RXRA: variants seen among roughly 807,000 people sequenced by gnomAD.
RXRA encodes the protein retinoic acid receptor RXR-alpha.
Under a neutral mutation model 44.5 loss-of-function variants are expected in RXRA, and 5 were observed. That is an observed-to-expected ratio of 0.11 (90% CI 0.06 to 0.24). The LOEUF (loss-of-function observed/expected upper bound fraction) is 0.24. Among genes scored for constraint, RXRA ranks in the 10% least tolerant of loss-of-function variants. RXRA has a pLI of 1.00. For synonymous variants in RXRA, 291 were observed against 271.4 expected (o/e 1.07, Z -0.71); for missense variants, 412 against 646.5 (o/e 0.64, Z 3.93).
Position 134,430,737 on chromosome 9 carries a change from C to T in RXRA, c.1044-1168C>T, listed in dbSNP as rs113270472. On this transcript the variant is annotated intron_variant, in intron 7 of 9. Coordinates refer to ENST00000481739, the MANE Select transcript of RXRA (RefSeq NM_002957.6). ...GGATATGGCTTTGGGAAGCGAAGCC[C>T]CAGCCACTTGCCCAGCTGACAGATC... Among the ~76,000 whole-genome samples the T allele has an allele frequency of 6.3e-3, 958 of 152,318 alleles. 8 individuals are homozygous for T. Among genetic ancestry groups the T allele is most frequent in the Non-Finnish European group, 7.8e-3 (533 of 68,036 alleles).
At chr9:134,335,279 A>C (rs1829983491) in intron 1 of RXRA, among the ~76,000 whole-genome samples, 1 of 152,090 alleles carries the variant, frequency 6.6e-6, no homozygotes, top group Non-Finnish European at 1.5e-5. Context: ...AATTCACCTC[A>C]CTAGGCCTCA....
intron 6 of RXRA, chr9:134,422,107 CACTT>C: frequency 7.4e-7 from 1 of 1,343,424 alleles, no homozygotes; most frequent in Non-Finnish European, 9.8e-7. Context: ...TCCTGGGACA[CACTT>C]CTACCTCCCG....
chr9:134,387,078 C>T (rs1055641360), intron 1 of RXRA, among the ~76,000 whole-genome samples: 4 of 152,166 alleles, frequency 2.6e-5, no homozygotes, highest in Admixed American at 6.5e-5. Flanking sequence ...GCTGTGGCTG[C>T]GGTGTCGGGT....
chr9:134,376,938 G>A (rs1482918296), intron 1 of RXRA, among the ~76,000 whole-genome samples: 1 of 152,212 alleles, frequency 6.6e-6, no homozygotes. Context: ...TCGCTGGGCT[G>A]ACCTCTGGGC....
At chr9:134,330,943 T>G (rs1441074321) in intron 1 of RXRA, among the ~76,000 whole-genome samples, 1 of 152,136 alleles carries the variant, frequency 6.6e-6, no homozygotes, top group African/African-American at 2.4e-5. Flanking sequence ...TGTGGCTAGG[T>G]CCTCTCTGTG....
rs569801618 is a variant in RXRA, at chr9:134,409,997, T to TG, written c.610+882dup. On this transcript the variant is annotated intron_variant, in intron 4 of 9. Coordinates refer to ENST00000481739, the MANE Select transcript of RXRA (RefSeq NM_002957.6). The stretch of plus-strand genomic sequence containing the variant: ...TTACTTCCTCCCCGCCAGCCCCTGG[T>TG]GGGGTCCCCAAACAGGACCCACACC... 5.7e-3 allele frequency among the ~76,000 whole-genome samples: 872 copies of TG among 152,316 alleles called. 9 individuals carry two copies. The highest frequency in any genetic ancestry group is 0.02 in the African/African-American group (834 of 41,576).
At chr9:134,368,652 GGTGT>G (rs1021126739) in intron 1 of RXRA, among the ~76,000 whole-genome samples, 6 of 150,478 alleles carry the variant, frequency 4.0e-5, no homozygotes, top group Admixed American at 1.3e-4. Context: ...TGTGTGTGAG[GGTGT>G]GTGTGTGTGA....
intron 1 of RXRA, among the ~76,000 whole-genome samples, chr9:134,383,333 C>T (rs1422821516): frequency 6.6e-6 from 1 of 152,254 alleles, no homozygotes; most frequent in African/African-American, 2.4e-5. Context: ...GAGCCTGTTG[C>T]AGGTCAGGAT....
chr9:134,349,286 G>A lies in RXRA; in HGVS notation c.28+22627G>A, dbSNP rs931278442. Among the ~76,000 whole-genome samples, 8 of 152,206 alleles carry A rather than the reference G, an allele frequency of 5.3e-5. No homozygotes were observed. Among genetic ancestry groups the A allele is most frequent in the African/African-American group, 1.9e-4 (8 of 41,454 alleles). On this transcript the variant is annotated intron_variant, in intron 1 of 9. Transcript: ENST00000481739. This position sits in a 1 kb window ranked among gnomAD's most constrained non-coding sequence, Gnocchi z 4.3. ...CACATGGGGAGCCCTGCTGACCCCT[G>A]TTCTGCACCTGGACAGCCGGGTGTC...
intron 7 of RXRA, among the ~76,000 whole-genome samples, chr9:134,429,734 C>T (rs1472174877): frequency 6.6e-6 from 1 of 152,158 alleles, no homozygotes; most frequent in African/African-American, 2.4e-5. Flanking sequence ...AGCCACTTCT[C>T]AGGGGACACA....
At chr9:134,345,615 A>G (rs1181980628) in intron 1 of RXRA, among the ~76,000 whole-genome samples, 9 of 152,172 alleles carry the variant, frequency 5.9e-5, no homozygotes, top group Admixed American at 5.2e-4. Flanking sequence ...TAGCCCCGGC[A>G]GAGGCTGTCC....
At chr9:134,432,590 C>T (rs796899443) in intron 8 of RXRA, among the ~76,000 whole-genome samples, 19 of 152,374 alleles carry the variant, frequency 1.2e-4, no homozygotes, top group African/African-American at 3.6e-4. Flanking sequence ...GCTACTCCTT[C>T]GCCCAACAAG....
In RXRA at chr9:134,438,859, GC is replaced by G. The variant is rs1831677317; in HGVS notation, c.*2246del. ...GTTTCCGGCGCTGGCTGGCTGGCTG[GC>G]TGGCTGTAAAGCACTGAAGCCCCCC... On this transcript the variant is annotated 3_prime_UTR_variant, in exon 10 of 10. Coordinates refer to ENST00000481739, the MANE Select transcript of RXRA (RefSeq NM_002957.6). 1.3e-5 allele frequency: 2 copies of G among 152,318 alleles called. No homozygotes were observed. The highest frequency in any genetic ancestry group is 4.8e-5 in the African/African-American group (2 of 41,444). 9.4% of individuals were successfully genotyped at this position (152,318 alleles called of 1,614,324 possible). A position where few individuals can be genotyped will look rare whatever the true frequency, so the allele number is the denominator to read the frequency against.
At chr9:134,360,563 G>A (rs894589266) in intron 1 of RXRA, among the ~76,000 whole-genome samples, 1 of 152,270 alleles carries the variant, frequency 6.6e-6, no homozygotes, top group African/African-American at 2.4e-5. Context: ...CGGCGCACTT[G>A]TGTGCAGGTC....
intron 1 of RXRA, among the ~76,000 whole-genome samples, chr9:134,376,880 G>A (rs1036403766): frequency 1.3e-5 from 2 of 152,234 alleles, no homozygotes; most frequent in Admixed American, 6.5e-5. Flanking sequence ...CTTGGGCGTC[G>A]AGTCTCTGAG....
chr9:134,337,274 G>GT (rs1830021790), intron 1 of RXRA, among the ~76,000 whole-genome samples: 1 of 152,168 alleles, frequency 6.6e-6, no homozygotes, highest in Non-Finnish European at 1.5e-5. Context: ...CACGAGGGAA[G>GT]TAAGCGCCTC....
At chr9:134,336,697 G>A (rs988907664) in intron 1 of RXRA, among the ~76,000 whole-genome samples, 4 of 152,170 alleles carry the variant, frequency 2.6e-5, no homozygotes, top group Non-Finnish European at 4.4e-5. Context: ...TTGTGGCTGC[G>A]GAGCCCACAG....
chr9:134,396,404 C>T (rs1393146917), intron 1 of RXRA, among the ~76,000 whole-genome samples: 1 of 152,110 alleles, frequency 6.6e-6, no homozygotes, highest in African/African-American at 2.4e-5. Flanking sequence ...CTTCTCCCTC[C>T]CCTGGGAGGC....
At chr9:134,331,381 G>A (rs1835002668) in intron 1 of RXRA, among the ~76,000 whole-genome samples, 1 of 152,206 alleles carries the variant, frequency 6.6e-6, no homozygotes, top group Non-Finnish European at 1.5e-5. Flanking sequence ...GGCCGCTGTG[G>A]GGAGAGCGGG....
Sources: gnomAD v4.1 joint callset for allele counts (sites outside exome capture counted in the v4.1 genomes callset) on GRCh38, gnomAD v4.1.1 for gene constraint, Gnocchi (gnomAD v3.1) non-coding constraint, MANE v1.5 for transcripts, NCBI Gene and HGNC (gene_info 2026-07-23, HGNC 2026-07-21) for gene names.